Variants in PRAMEF15 observed in about 807,000 individuals in gnomAD.
PRAMEF15 encodes the protein PRAME family member 9/15.
A neutral mutation model predicts 35.3 loss-of-function variants in PRAMEF15; 21 were observed. That is an observed-to-expected ratio of 0.59 (90% CI 0.42 to 0.86). The LOEUF is 0.86. Ranked by LOEUF, PRAMEF15 falls within the 40% of genes least tolerant of loss-of-function variation. The pLI, the probability that PRAMEF15 is intolerant of heterozygous loss-of-function variation, is 0.00. For synonymous variants in PRAMEF15, 122 were observed against 223.3 expected, an observed-to-expected ratio of 0.55 and a Z score of 4.05; for missense variants, 360 against 574.1, an observed-to-expected ratio of 0.63 and a Z score of 3.81.
intron 3 of PRAMEF15, among the ~76,000 whole-genome samples, chr1:13,320,921 G>A (rs1640075356): frequency 1.3e-5 from 2 of 152,058 alleles, no homozygotes; most frequent in African/African-American, 2.4e-5. Context: ...TCTAGGCAAT[G>A]CATGATTCTG....
chr1:13,319,379 A>C lies in PRAMEF15; in HGVS notation c.301A>C (p.Lys101Gln). ...LTQGVRPRRW[K>Q]LQVLDLQDVC... ...ACCTCTATTTTGCCACAGGAGGTGG[A>C]AACTCCAAGTGCTGGATTTACAGGA... Residue 101 changes from lysine to glutamine, a missense_variant, in exon 3 of 4, where the codon AAA becomes CAA. Lys to Gln is a moderately conservative substitution (Grantham distance 53). Transcript: ENST00000376152. The C allele has an allele frequency of 6.2e-7, 1 of 1,611,046 alleles. No homozygotes were observed. The highest frequency in any genetic ancestry group is 8.5e-7 in the Non-Finnish European group (1 of 1,179,824).
In PRAMEF15 at chr1:13,318,470, G is replaced by T; in HGVS notation, c.63G>T (p.Arg21Ser). Residue 21 changes from arginine (R) to serine (S), a missense_variant, in exon 2 of 4, where the codon AGG becomes AGT. Physicochemically the swap from Arg to Ser is moderately radical, Grantham distance 110. Coordinates refer to ENST00000376152, the MANE Select transcript of PRAMEF15 (RefSeq NM_001098376.3). ...LLELAGRSLL[R>S]DQALAMSTLE... ...AGCTTGCAGGGCGGAGCCTGCTGAG[G>T]GACCAAGCTTTGGCCATGTCCACCC... 1 of 1,614,080 alleles carries T rather than the reference G, an allele frequency of 6.2e-7. No individual in the cohort carries two copies. Among genetic ancestry groups the T allele is most frequent in the South Asian group, 1.1e-5 (1 of 91,066 alleles).
At chr1:13,318,237 G>C (rs1391582409) in intron 1 of PRAMEF15, among the ~76,000 whole-genome samples, 155 bp from the exon 2 acceptor site, 4 of 152,142 alleles carry the variant, frequency 2.6e-5, no homozygotes, top group Non-Finnish European at 5.9e-5. Flanking sequence ...GAGGCAGAAT[G>C]CTGGCTTAAT....
At chr1:13,315,822 C>G (rs1227622689) in intron 1 of PRAMEF15, among the ~76,000 whole-genome samples, 164 bp downstream of exon 1, 1 of 148,300 alleles carries the variant, frequency 6.7e-6, no homozygotes, top group Non-Finnish European at 1.5e-5. Flanking sequence ...AAATGCAGTT[C>G]TGTCTTTATT....
At chr1:13,317,988 G>T (rs1346229306) in intron 1 of PRAMEF15, among the ~76,000 whole-genome samples, 24 of 152,202 alleles carry the variant, frequency 1.6e-4, no homozygotes, top group African/African-American at 4.8e-4. Context: ...GATGCCCCAT[G>T]AATGTTCCCA....
intron 3 of PRAMEF15, among the ~76,000 whole-genome samples, chr1:13,320,756 T>G (rs1436719188): frequency 6.6e-6 from 1 of 151,462 alleles, no homozygotes; most frequent in Admixed American, 6.6e-5. Flanking sequence ...TGATGGGAAG[T>G]AGGGAAGTGA....
rs1557445319 is a variant in PRAMEF15 at position 13,317,699 on chromosome 1, C to T, written c.-16-693C>T. On this transcript the variant is annotated intron_variant, in intron 1 of 3. Transcript: ENST00000376152. ...GGCTGAGGAGGAAGAATCCTTTGAG[C>T]TGGGAGGTCAAGGCTGCACTGAGCT... Among the ~76,000 whole-genome samples, 4 of 148,318 alleles carry T rather than the reference C, an allele frequency of 2.7e-5. No individual in the cohort carries two copies. The Admixed American group carries it at 2.7e-4, about 10-fold the overall frequency.
At chr1:13,316,735 A>G (rs2100314045) in intron 1 of PRAMEF15, among the ~76,000 whole-genome samples, 1 of 152,056 alleles carries the variant, frequency 6.6e-6, no homozygotes, top group Admixed American at 6.6e-5. Context: ...AGGGACTGTC[A>G]TCTCTGTCTT....
At chr1:13,321,242 T>TCC (rs1491190929) in intron 3 of PRAMEF15, among the ~76,000 whole-genome samples, 1 of 143,074 alleles carries the variant, frequency 7.0e-6, no homozygotes, top group Non-Finnish European at 1.5e-5. Context: ...CAAAACAGAG[T>TCC]CTCTCTCTGT....
At chr1:13,315,857 T>C (rs1464410059) in intron 1 of PRAMEF15, among the ~76,000 whole-genome samples, 199 bp downstream of exon 1, 17 of 151,650 alleles carry the variant, frequency 1.1e-4, no homozygotes, top group South Asian at 2.1e-4. Context: ...TGTGCTTTGG[T>C]TGATGCCATT....
intron 2 of PRAMEF15, among the ~76,000 whole-genome samples, chr1:13,318,966 A>C (rs1317286926): frequency 5.7e-4 from 86 of 149,672 alleles, no homozygotes; most frequent in Middle Eastern, 6.9e-3. Context: ...TAATCCCAGC[A>C]CATTGGGAGG....
rs1459223121 is a variant in PRAMEF15 at position 13,322,102 on chromosome 1, T to C, written c.1275T>C (p.Asp425=). 3.5e-5 allele frequency: 56 copies of C among 1,608,926 alleles called. No homozygotes were observed. In the African/African-American group the frequency reaches 5.7e-4, roughly 16 times the overall value. The change falls in exon 4 of 4, where the codon GAT becomes GAC. Residue 425 remains aspartate (D), a synonymous_variant. Transcript: ENST00000376152. The part of the protein sequence containing the change: ...YPAPRESYGA[D]GTLCWSRFAQ... ...CCCCCCGAGAGAGTTATGGTGCTGA[T>C]GGTACTCTCTGCTGGAGCAGATTTG...
intron 1 of PRAMEF15, among the ~76,000 whole-genome samples, chr1:13,317,662 A>C (rs1348861846): frequency 6.6e-6 from 1 of 151,774 alleles, no homozygotes; most frequent in Non-Finnish European, 1.5e-5. Flanking sequence ...CTGTGGTCCC[A>C]GCAACTTGGG....
chr1:13,320,577 C>A (rs1277071912), intron 3 of PRAMEF15, among the ~76,000 whole-genome samples: 1 of 152,020 alleles, frequency 6.6e-6, no homozygotes, highest in Admixed American at 6.6e-5. Flanking sequence ...GCGTGAGCCA[C>A]CACACCTGGC....
intron 3 of PRAMEF15, among the ~76,000 whole-genome samples, chr1:13,321,244 T>A (rs1487795377): frequency 6.9e-6 from 1 of 145,306 alleles, no homozygotes; most frequent in African/African-American, 2.6e-5. Context: ...AAACAGAGTC[T>A]CTCTCTGTCA....
chr1:13,319,280 A>C, intron 2 of PRAMEF15, 92 bp from the exon 3 acceptor site: 1 of 1,583,254 alleles, frequency 6.3e-7, no homozygotes, highest in African/African-American at 1.3e-5. Flanking sequence ...AGGGACAACA[A>C]GCAGGGAGGG....
At chr1:13,320,013 T>C (rs1470677599) in intron 3 of PRAMEF15, 60 bp downstream of exon 3, 1 of 1,607,916 alleles carries the variant, frequency 6.2e-7, no homozygotes, top group African/African-American at 1.3e-5. Flanking sequence ...CAGTCAACAC[T>C]AGTGGGCATC....
chr1:13,317,293 T>C (rs879308464), intron 1 of PRAMEF15, among the ~76,000 whole-genome samples: 80 of 151,742 alleles, frequency 5.3e-4, no homozygotes, highest in African/African-American at 7.5e-4. Flanking sequence ...TCGTCTTGAA[T>C]TCCTGATCTC....
intron 1 of PRAMEF15, among the ~76,000 whole-genome samples, chr1:13,318,104 G>A (rs1640030267): frequency 6.6e-6 from 1 of 151,980 alleles, no homozygotes; most frequent in South Asian, 2.1e-4. Context: ...CCAATGGTAG[G>A]AGGGGTTCAC....
Sources: gnomAD v4.1 joint callset for allele counts (sites outside exome capture counted in the v4.1 genomes callset) on GRCh38, gnomAD v4.1.1 for gene constraint, MANE v1.5 for transcripts, NCBI Gene and HGNC (gene_info 2026-07-23, HGNC 2026-07-21) for gene names.